Variants in ADGRL2 observed in about 807,000 individuals in gnomAD.
ADGRL2 encodes the protein adhesion G protein-coupled receptor L2.
In ADGRL2, 44 loss-of-function variants were observed where a neutral mutation model predicts 157.4. That is an observed-to-expected ratio of 0.28 (90% CI 0.22 to 0.36). The LOEUF (loss-of-function observed/expected upper bound fraction) is 0.36, where lower values mean the gene tolerates loss of function less well. Ranked by LOEUF, ADGRL2 falls within the 10% of genes least tolerant of loss-of-function variation. ADGRL2 has a pLI of 1.00. For synonymous variants in ADGRL2, 585 were observed against 624.7 expected, an observed-to-expected ratio of 0.94 and a Z score of 0.95; for missense variants, 1,510 against 1,768.9, an observed-to-expected ratio of 0.85 and a Z score of 2.63.
chr1:81,971,883 T>G lies in ADGRL2; in HGVS notation c.2986T>G (p.Trp996Gly). Residue 996 changes from tryptophan to glycine, a missense_variant, in exon 17 of 24, where the codon TGG (tryptophan) becomes GGG (glycine). By Grantham distance (184) the Trp-to-Gly change is radical. Around this residue, in one of 4 missense-constraint regions of ADGRL2, gnomAD observed 497 missense variants for 627.2 expected, o/e 0.79. Coordinates refer to ENST00000686636, the MANE Select transcript of ADGRL2 (RefSeq NM_001366006.2). ...GCTTCATGTTGATAACTACTTTATA[T>G]GGAGCTTCATTGGACCTGTTACCTT... is the stretch of plus-strand genomic sequence containing the variant. ...CWLHVDNYFI[W>G]SFIGPVTFII... 6.2e-7 allele frequency: 1 copy of G among 1,611,896 alleles called. No individual in the cohort carries two copies. Among genetic ancestry groups the G allele is most frequent in the Non-Finnish European group, 8.5e-7 (1 of 1,178,642 alleles).
rs532461717 is a variant in ADGRL2, at chr1:81,324,953, G to A, written c.-302+18444G>A. ...GCTGGTCTCGAACTCCTGGCCTCAGGTGATCCACCCACCCCGACCTCCCAA... is the reference window on the plus strand; with the variant it reads ...GCTGGTCTCGAACTCCTGGCCTCAGATGATCCACCCACCCCGACCTCCCAA... On this transcript the variant is annotated intron_variant, in intron 1 of 24. Coordinates refer to the ADGRL2 transcript ENST00000370721. Among the ~76,000 whole-genome samples, 7 of 152,142 alleles carry A rather than the reference G, an allele frequency of 4.6e-5. No individual in the cohort carries two copies. In the East Asian group the frequency reaches 1.4e-3, roughly 29 times the overall value.
chr1:81,524,796 T>C (rs2079413697), intron 2 of ADGRL2, among the ~76,000 whole-genome samples: 1 of 151,924 alleles, frequency 6.6e-6, no homozygotes, highest in African/African-American at 2.4e-5. Context: ...CTGGAGAGGG[T>C]CAGGGGGCTG....
At chr1:81,762,496 A>C in intron 2 of ADGRL2, among the ~76,000 whole-genome samples, 1 of 152,148 alleles carries the variant, frequency 6.6e-6, no homozygotes, top group East Asian at 1.9e-4. Context: ...TAATCTTATT[A>C]TATGGGAAAG....
intron 3 of ADGRL2, among the ~76,000 whole-genome samples, chr1:81,913,192 T>C (rs2094773113): frequency 6.6e-6 from 1 of 152,218 alleles, no homozygotes; most frequent in Non-Finnish European, 1.5e-5. Flanking sequence ...TCTAAACTTA[T>C]CAATATCCTA....
intron 2 of ADGRL2, among the ~76,000 whole-genome samples, chr1:81,469,999 G>A (rs2078137752): frequency 6.6e-6 from 1 of 152,198 alleles, no homozygotes; most frequent in Non-Finnish European, 1.5e-5. Flanking sequence ...AAGAGCTTCT[G>A]CAGAGGGCGA....
chr1:81,684,209 T>C (rs2083182703), intron 3 of ADGRL2, among the ~76,000 whole-genome samples: 1 of 152,190 alleles, frequency 6.6e-6, no homozygotes, highest in Non-Finnish European at 1.5e-5. Context: ...GAATCTCCAC[T>C]CTGTTTTCCA....
intron 1 of ADGRL2, among the ~76,000 whole-genome samples, chr1:81,830,608 AG>A (rs2091877361): frequency 6.6e-6 from 1 of 152,068 alleles, no homozygotes; most frequent in South Asian, 2.1e-4. Context: ...TCCGGGTTCA[AG>A]CGATTCTCCT....
At chr1:81,690,309 A>G (rs1018513726) in intron 3 of ADGRL2, among the ~76,000 whole-genome samples, 1 of 152,196 alleles carries the variant, frequency 6.6e-6, no homozygotes, top group African/African-American at 2.4e-5. Flanking sequence ...CCTGGCCAAC[A>G]TGGCGAAACC....
intron 11 of ADGRL2, among the ~76,000 whole-genome samples, chr1:81,962,704 G>C (rs1223260970): frequency 6.6e-6 from 1 of 152,136 alleles, no homozygotes; most frequent in African/African-American, 2.4e-5. Context: ...GAGAGAGGCA[G>C]CTGATTTGAT....
chr1:81,473,031 G>A lies in ADGRL2; in HGVS notation c.-248+27942G>A, dbSNP rs115976685. Among the ~76,000 whole-genome samples, 1,452 of 151,748 alleles carry A rather than the reference G, an allele frequency of 9.6e-3. 9 individuals are homozygous for A. The highest frequency in any genetic ancestry group is 0.015 in the Non-Finnish European group (1,025 of 67,900). On this transcript the variant is annotated intron_variant, in intron 2 of 24. Transcript: ENST00000370721. ...CTCCACAATTAGGACCCCAGTGCCTGTTATGTGAACTCAATGGATCAATGT... is the reference window on the plus strand; with the variant it reads ...CTCCACAATTAGGACCCCAGTGCCTATTATGTGAACTCAATGGATCAATGT...
chr1:81,562,801 G>A (rs565908213), intron 2 of ADGRL2, among the ~76,000 whole-genome samples: 15 of 151,728 alleles, frequency 9.9e-5, no homozygotes, highest in South Asian at 4.2e-4. Context: ...ATTAATCATT[G>A]TTTAATTTCT....
rs71676830 is a variant in ADGRL2, at chr1:81,839,850, C to CAT, written c.73+2806_73+2807dup. Among the ~76,000 whole-genome samples, 103 of 112,058 alleles carry CAT rather than the reference C, an allele frequency of 9.2e-4. 5 individuals carry two copies. In the East Asian group the frequency reaches 0.017, roughly 19 times the overall value. 73.5% of individuals were successfully genotyped at this position (112,058 alleles called of 152,430 possible). A position where few individuals can be genotyped will look rare whatever the true frequency, so the allele number is the denominator to read the frequency against. ...TCCATCATATATATATGTTTTCCAT[C>CAT]ATATATATATATATTTTCCATCATA... is the stretch of plus-strand genomic sequence containing the variant. On this transcript the variant is annotated intron_variant, in intron 2 of 23. Transcript: ENST00000686636.
chr1:81,442,141 G>A (rs556710003), intron 1 of ADGRL2, among the ~76,000 whole-genome samples: 16 of 152,242 alleles, frequency 1.1e-4, no homozygotes, highest in Admixed American at 3.3e-4. Flanking sequence ...CTTACATTAT[G>A]TATCTAAGCT....
chr1:81,805,037 C>A (rs1318824959), intron 1 of ADGRL2, among the ~76,000 whole-genome samples: 2 of 152,006 alleles, frequency 1.3e-5, no homozygotes, highest in African/African-American at 2.4e-5. Context: ...TTTGTGAATT[C>A]TATTTAAATA....
rs180963614 is a variant in ADGRL2 at position 81,574,166 on chromosome 1, T to C, written c.-247-6710T>C. On this transcript the variant is annotated intron_variant, in intron 2 of 24. Coordinates refer to the ADGRL2 transcript ENST00000370721. ...TGCAAAATAAGCCTAAGGGAATTCC[T>C]ATAGGCTTAAGCAGGAAAACTATCT... Among the ~76,000 whole-genome samples, 115 of 149,316 alleles carry C rather than the reference T, an allele frequency of 7.7e-4. 1 individual carries two copies. Among genetic ancestry groups the C allele is most frequent in the Middle Eastern group, 6.8e-3 (2 of 292 alleles).
At chr1:81,707,372 C>T (rs781683639) in intron 1 of ADGRL2, among the ~76,000 whole-genome samples, 7 of 152,096 alleles carry the variant, frequency 4.6e-5, no homozygotes, top group Non-Finnish European at 7.4e-5. Flanking sequence ...TCTTTGAATA[C>T]AGTCTATCCT....
chr1:81,515,193 A>C (rs916597095), intron 2 of ADGRL2: 2 of 152,194 alleles, frequency 1.3e-5, no homozygotes, highest in Admixed American at 1.3e-4. Context: ...AGACAAGAGA[A>C]TACTGGGAGG....
intron 2 of ADGRL2, chr1:81,557,284 A>T: frequency 5.1e-6 from 1 of 195,736 alleles, no homozygotes; most frequent in Non-Finnish European, 1.2e-5. Context: ...ACTTCTTTCC[A>T]CTGTAACTCA....
At chr1:81,828,936 A>T (rs1212592046) in intron 1 of ADGRL2, among the ~76,000 whole-genome samples, 1 of 151,430 alleles carries the variant, frequency 6.6e-6, no homozygotes, top group Non-Finnish European at 1.5e-5. Context: ...TTTGGGACGA[A>T]GTCTTGCTCT....
Sources: gnomAD v4.1 joint callset for allele counts (sites outside exome capture counted in the v4.1 genomes callset) on GRCh38, gnomAD v4.1.1 for gene constraint, gnomAD v4.1.1 regional missense constraint, MANE v1.5 for transcripts, NCBI Gene and HGNC (gene_info 2026-07-23, HGNC 2026-07-21) for gene names.